Variants in UBN2 observed in about 807,000 individuals in gnomAD.
The protein encoded by UBN2 is ubinuclein 2.
In UBN2, 35 loss-of-function variants were observed where a neutral mutation model predicts 120.2. That is an observed-to-expected ratio of 0.29 (90% CI 0.22 to 0.39). UBN2 has a LOEUF of 0.39. UBN2 is among the 10% of genes least tolerant of loss of function. The pLI, the probability that UBN2 is intolerant of heterozygous loss-of-function variation, is 1.00. For missense variants in UBN2, 1,693 were observed against 1,663.2 expected, an observed-to-expected ratio of 1.02 and a Z score of -0.31; for synonymous variants, 661 against 648.7, an observed-to-expected ratio of 1.02 and a Z score of -0.29.
At chr7:139,282,111 G>T (rs1797631028) in intron 14 of UBN2, 56 bp downstream of exon 14, 4 of 1,555,408 alleles carry the variant, frequency 2.6e-6, no homozygotes, top group East Asian at 2.3e-5. Flanking sequence ...GGTTTGTTTG[G>T]GTTTGTTTAA....
chr7:139,254,796 A>G (rs1796713793), intron 3 of UBN2, among the ~76,000 whole-genome samples: 1 of 152,234 alleles, frequency 6.6e-6, no homozygotes, highest in South Asian at 2.1e-4. Flanking sequence ...TTCTTTTCTT[A>G]GAGCAGTTTT....
intron 3 of UBN2, 129 bp downstream of exon 3, chr7:139,252,186 T>G: frequency 1.5e-6 from 1 of 662,106 alleles, no homozygotes; most frequent in Non-Finnish European, 2.5e-6. Context: ...TGTTCACTAC[T>G]TAAAGATTTC....
the UBN2 span, among the ~76,000 whole-genome samples, chr7:139,330,185 T>G: frequency 3.3e-5 from 5 of 152,348 alleles, no homozygotes; most frequent in Non-Finnish European, 7.3e-5. Context: ...TTGCTTCAAA[T>G]GTACATCACC....
intron 1 of UBN2, among the ~76,000 whole-genome samples, chr7:139,235,538 C>T (rs1187638535): frequency 2.0e-5 from 3 of 152,160 alleles, no homozygotes; most frequent in Admixed American, 1.3e-4. Context: ...TCCCGAGTAG[C>T]TGGGACTACA....
the UBN2 span, among the ~76,000 whole-genome samples, chr7:139,320,551 C>A: frequency 1.3e-5 from 2 of 151,966 alleles, no homozygotes; most frequent in African/African-American, 4.8e-5. Context: ...ACGTCAAAAA[C>A]AAAAATTCTG....
chr7:139,258,109 A>G (rs1181102795), intron 3 of UBN2, among the ~76,000 whole-genome samples: 1 of 152,254 alleles, frequency 6.6e-6, no homozygotes, highest in Non-Finnish European at 1.5e-5. Flanking sequence ...ATGGTAGGAA[A>G]TGAAATTTAC....
Position 139,304,520 on chromosome 7 carries a change from AT to A in UBN2, c.*6686del, listed in dbSNP as rs556754371. On this transcript the variant is annotated 3_prime_UTR_variant, in exon 18 of 18. Coordinates refer to ENST00000473989, the MANE Select transcript of UBN2 (RefSeq NM_173569.4). Reference sequence around the variant, plus strand: ...AGTTGGGGCTAAATGCTGAGCAACGATTGTTGGAGTGTGTGTGTAAATTTAA... The same window carrying A: ...AGTTGGGGCTAAATGCTGAGCAACGATGTTGGAGTGTGTGTGTAAATTTAA... The A allele has an allele frequency of 4.9e-4, 74 of 152,280 alleles. No homozygotes were observed. Among genetic ancestry groups the A allele is most frequent in the African/African-American group, 1.8e-3 (74 of 41,560 alleles). The allele number at this position is 152,280 out of a possible 1,614,324, so 9.4% of individuals were successfully genotyped here. A position where few individuals can be genotyped will look rare whatever the true frequency, so the allele number is the denominator to read the frequency against.
rs1189754867 is a variant in UBN2 at position 139,301,290 on chromosome 7, T to A, written c.*3454T>A. 3.3e-5 allele frequency: 5 copies of A among 152,180 alleles called. No homozygotes were observed. Among genetic ancestry groups the A allele is most frequent in the African/African-American group, 1.2e-4 (5 of 41,446 alleles). 9.4% of individuals were successfully genotyped at this position (152,180 alleles called of 1,614,324 possible). ...TTTTTTTCCCAAAGCAGATCTAAAT[T>A]GTTTACTACCCAGGGTTGGAAAGGG... On this transcript the variant is annotated 3_prime_UTR_variant, in exon 18 of 18. Coordinates refer to ENST00000473989, the MANE Select transcript of UBN2 (RefSeq NM_173569.4).
rs1478872304 is a variant in UBN2, at chr7:139,266,384, A to G, written c.1447A>G (p.Met483Val). 1.3e-6 allele frequency: 2 copies of G among 1,556,116 alleles called. No individual in the cohort carries two copies. Among genetic ancestry groups the G allele is most frequent in the South Asian group, 1.2e-5 (1 of 84,908 alleles). The change falls in exon 7 of 18, where the codon ATG becomes GTG. Residue 483 changes from methionine (M) to valine (V), a missense_variant. Met to Val is a conservative substitution (Grantham distance 21). Coordinates refer to ENST00000473989, the MANE Select transcript of UBN2 (RefSeq NM_173569.4). The stretch of plus-strand genomic sequence containing the variant: ...AAGGAAAAAATTCTTTACACAGGAT[A>G]TGAATAATATTCTTCTGGAGTAAGT... ...EGRKKFFTQDMNNILLDIELQ... is the reference protein window; with the variant it reads ...EGRKKFFTQDVNNILLDIELQ...
At chr7:139,244,507 TAAAA>T (rs548953543) in intron 2 of UBN2, among the ~76,000 whole-genome samples, 2 of 150,808 alleles carry the variant, frequency 1.3e-5, no homozygotes, top group East Asian at 3.9e-4. Context: ...CCCCATCTCT[TAAAA>T]AAAAAGTTAG....
intron 13 of UBN2, among the ~76,000 whole-genome samples, chr7:139,281,755 C>G (rs1387250873): frequency 6.6e-6 from 1 of 152,098 alleles, no homozygotes; most frequent in East Asian, 1.9e-4. Context: ...ATTTCCTACC[C>G]TTTATTGTGT....
At chr7:139,263,225 TTATATG>T (rs1430671280) in intron 6 of UBN2, among the ~76,000 whole-genome samples, 1 of 152,162 alleles carries the variant, frequency 6.6e-6, no homozygotes, top group Admixed American at 6.5e-5. Flanking sequence ...GGAAGACAAA[TTATATG>T]TATATATATC....
At chr7:139,269,331 G>A (rs77493238) in intron 7 of UBN2, 63 bp from the exon 8 acceptor site, 1 of 1,513,530 alleles carries the variant, frequency 6.6e-7, no homozygotes, top group East Asian at 2.3e-5. Flanking sequence ...TTGCTTTCTT[G>A]TCTGTGCAAT....
chr7:139,311,209 T>C (rs7776583), downstream of UBN2, among the ~76,000 whole-genome samples: 31,225 of 152,208 alleles, frequency 0.21, 5,747 homozygotes, highest in African/African-American at 0.48. Context: ...GTACACCTTT[T>C]AAAGGACAAT....
At chr7:139,244,383 A>G (rs763581715) in intron 2 of UBN2, among the ~76,000 whole-genome samples, 1 of 152,136 alleles carries the variant, frequency 6.6e-6, no homozygotes, top group Non-Finnish European at 1.5e-5. Flanking sequence ...AATTTTTTTA[A>G]GAGCCTAGTG....
intron 2 of UBN2, among the ~76,000 whole-genome samples, chr7:139,237,319 C>G (rs1563201191): frequency 6.6e-6 from 1 of 152,022 alleles, no homozygotes; most frequent in Non-Finnish European, 1.5e-5. Context: ...ATTTTGGAAA[C>G]AGGGTCTCGC....
chr7:139,253,070 G>C (rs1299900063), intron 3 of UBN2, among the ~76,000 whole-genome samples: 14 of 152,160 alleles, frequency 9.2e-5, no homozygotes, highest in Admixed American at 8.5e-4. Context: ...TTCTTGTGTA[G>C]TTGTCCAGAA....
In UBN2 at chr7:139,261,605, C is replaced by G. The variant is rs1307481902; in HGVS notation, c.1259C>G (p.Pro420Arg). Residue 420 changes from proline to arginine, a missense_variant, in exon 6 of 18, where the codon CCC becomes CGC. Transcript: ENST00000473989. The part of the protein sequence containing the change: ...RLLDAASDGS[P>R]LSESGGENGT... Reference sequence around the variant, plus strand: ...CTGGATGCTGCTTCTGATGGTAGCCCCCTATCTGAGTCGGGGGGTGAAAAT... The same window carrying G: ...CTGGATGCTGCTTCTGATGGTAGCCGCCTATCTGAGTCGGGGGGTGAAAAT... The G allele has an allele frequency of 6.2e-7, 1 of 1,614,184 alleles. No homozygotes were observed. The highest frequency in any genetic ancestry group is 1.3e-5 in the African/African-American group (1 of 75,050).
At chr7:139,309,785 C>G (rs759627291), downstream of UBN2, among the ~76,000 whole-genome samples, 1 of 152,186 alleles carries the variant, frequency 6.6e-6, no homozygotes, top group Non-Finnish European at 1.5e-5. Flanking sequence ...ACACAAGAAT[C>G]ACTTGAGCCC....
Sources: gnomAD v4.1 joint callset for allele counts (sites outside exome capture counted in the v4.1 genomes callset) on GRCh38, gnomAD v4.1.1 for gene constraint, MANE v1.5 for transcripts, NCBI Gene and HGNC (gene_info 2026-07-23, HGNC 2026-07-21) for gene names.